Variants in IGSF11 observed in about 807,000 individuals in gnomAD.
IGSF11 encodes the protein immunoglobulin superfamily member 11, also known as CXADR like 1.
IGSF11 carries 22 observed loss-of-function variants against 41.0 expected under a neutral mutation model. The observed-to-expected ratio is 0.54, with a 90% CI of 0.38 to 0.77. IGSF11 has a LOEUF of 0.77. Among genes scored for constraint, IGSF11 ranks in the 30% least tolerant of loss-of-function variants. The probability of loss-of-function intolerance (pLI) is 0.00; values close to 1 mark genes in which losing one functional copy is unlikely to be tolerated. For missense variants in IGSF11, 444 were observed against 530.8 expected, an observed-to-expected ratio of 0.84 and a Z score of 1.61; for synonymous variants, 219 against 201.3, an observed-to-expected ratio of 1.09 and a Z score of -0.74.
intron 1 of IGSF11, among the ~76,000 whole-genome samples, chr3:118,960,784 G>C (rs1209823420): frequency 6.6e-6 from 1 of 152,094 alleles, no homozygotes; most frequent in Non-Finnish European, 1.5e-5. Flanking sequence ...GTTAATTTTT[G>C]TGGTAACATA....
At chr3:119,019,663 T>C in intron 1 of IGSF11, among the ~76,000 whole-genome samples, 1 of 152,082 alleles carries the variant, frequency 6.6e-6, no homozygotes, top group East Asian at 1.9e-4. Context: ...TTTCTTTACC[T>C]GCCTCTGCTG....
At chr3:118,905,818 T>C (rs1184094482) in intron 4 of IGSF11, 100 bp from the exon 5 acceptor site, 1 of 1,336,816 alleles carries the variant, frequency 7.5e-7, no homozygotes, top group African/African-American at 1.5e-5. Flanking sequence ...ACTGGAGAGC[T>C]ATCAATAAAT....
chr3:118,925,165 G>C (rs548055935), intron 4 of IGSF11, among the ~76,000 whole-genome samples: 1 of 152,270 alleles, frequency 6.6e-6, no homozygotes, highest in East Asian at 1.9e-4. Context: ...CATTTGCTGG[G>C]ATTACTAGCG....
rs1261958554 is a variant in IGSF11 at position 119,141,553 on chromosome 3, CAAAT to C, written c.-14+4256_-14+4259del. Among the ~76,000 whole-genome samples the C allele has an allele frequency of 3.3e-5, 5 of 149,484 alleles. No individual in the cohort carries two copies. In the East Asian group the frequency reaches 7.8e-4, roughly 23 times the overall value. Reference sequence around the variant, plus strand: ...AGGTTGACCACATTAAAAAAAGACTCAAATAACTAAAATAAGTAATGAAAAAAGG... The same window carrying C: ...AGGTTGACCACATTAAAAAAAGACTCAACTAAAATAAGTAATGAAAAAAGG... On this transcript the variant is annotated intron_variant, in intron 1 of 7. Transcript: ENST00000425327.
chr3:119,002,412 T>C (rs1936996989), intron 1 of IGSF11, among the ~76,000 whole-genome samples: 1 of 150,380 alleles, frequency 6.6e-6, no homozygotes, highest in Non-Finnish European at 1.5e-5. Context: ...TTTTCTCCCA[T>C]GTTGTAGGTT....
chr3:119,043,322 T>C lies in IGSF11; in HGVS notation c.49+61822A>G, dbSNP rs193154155. ...GATAGATGACTGGCTGTCTTGTTTT[T>C]GCCTAATTGGCATTTTAGTGAGCTC... On this transcript the variant is annotated intron_variant, in intron 1 of 6. Coordinates refer to the IGSF11 transcript ENST00000354673. Among the ~76,000 whole-genome samples the C allele has an allele frequency of 9.8e-3, 1,498 of 152,308 alleles. 13 individuals carry two copies. The highest frequency in any genetic ancestry group is 0.016 in the Non-Finnish European group (1,058 of 68,024).
intron 1 of IGSF11, among the ~76,000 whole-genome samples, chr3:119,068,889 T>C (rs1660054946): frequency 6.6e-6 from 1 of 151,424 alleles, no homozygotes; most frequent in East Asian, 1.9e-4. Context: ...TATAAAGGTA[T>C]GATTTATGAG....
At chr3:119,029,171 A>AATACAC (rs1940120463) in intron 1 of IGSF11, among the ~76,000 whole-genome samples, 1 of 78,802 alleles carries the variant, frequency 1.3e-5, no homozygotes, top group Non-Finnish European at 2.4e-5. Flanking sequence ...TTTTGGGGAT[A>AATACAC]ATACACACAC....
intron 1 of IGSF11, among the ~76,000 whole-genome samples, chr3:118,970,754 A>G (rs933641292): frequency 1.5e-4 from 23 of 151,854 alleles, no homozygotes; most frequent in Non-Finnish European, 2.2e-4. Flanking sequence ...GTTTTACAAA[A>G]AAAAAAAAAA....
At chr3:118,905,860 T>C (rs917073892) in intron 4 of IGSF11, 142 bp from the exon 5 acceptor site, 17 of 872,108 alleles carry the variant, frequency 1.9e-5, no homozygotes, top group Non-Finnish European at 2.6e-5. Flanking sequence ...TGAGAAATTA[T>C]TGGTTCATGA....
chr3:118,977,332 G>C (rs1373924955), intron 1 of IGSF11, among the ~76,000 whole-genome samples: 2 of 152,146 alleles, frequency 1.3e-5, no homozygotes, highest in Non-Finnish European at 2.9e-5. Context: ...TTGTGGCTAA[G>C]GGGCAGGACC....
chr3:118,955,251 C>CACAT (rs1231677755), intron 1 of IGSF11, among the ~76,000 whole-genome samples: 1 of 150,034 alleles, frequency 6.7e-6, no homozygotes, highest in Non-Finnish European at 1.5e-5. Context: ...CACACACACA[C>CACAT]ACATACACAC....
intron 1 of IGSF11, among the ~76,000 whole-genome samples, chr3:118,987,519 A>C (rs1015345719): frequency 6.6e-6 from 1 of 152,194 alleles, no homozygotes; most frequent in African/African-American, 2.4e-5. Context: ...AGCCTGGCCT[A>C]GTCAGTGGAG....
intron 4 of IGSF11, among the ~76,000 whole-genome samples, chr3:118,923,371 T>G (rs1040957701): frequency 6.6e-6 from 1 of 152,200 alleles, no homozygotes; most frequent in Non-Finnish European, 1.5e-5. Context: ...TTTTTACCAC[T>G]AAGTACTTTA....
At chr3:119,005,358 T>G (rs1191466474) in intron 1 of IGSF11, among the ~76,000 whole-genome samples, 1 of 150,594 alleles carries the variant, frequency 6.6e-6, no homozygotes, top group African/African-American at 2.5e-5. Flanking sequence ...TATGTGTGTC[T>G]CTGCACGTGA....
At chr3:119,114,458 G>A (rs190144243) in intron 1 of IGSF11, among the ~76,000 whole-genome samples, 123 of 152,242 alleles carry the variant, frequency 8.1e-4, no homozygotes, top group African/African-American at 2.8e-3. Context: ...TCCTTCTCAA[G>A]GTCAAAGTTC....
intron 1 of IGSF11, among the ~76,000 whole-genome samples, chr3:119,127,700 G>C (rs1488990015): frequency 6.6e-6 from 1 of 152,188 alleles, no homozygotes; most frequent in African/African-American, 2.4e-5. Flanking sequence ...ACTAACAGCA[G>C]ACCTCTCAGC....
intron 1 of IGSF11, among the ~76,000 whole-genome samples, chr3:119,082,150 C>G (rs1165773176): frequency 6.6e-6 from 1 of 152,132 alleles, no homozygotes. Flanking sequence ...TATTCACTTT[C>G]TTTATTCAGA....
At chr3:119,042,156 A>T (rs1352957354) in intron 1 of IGSF11, among the ~76,000 whole-genome samples, 1 of 152,226 alleles carries the variant, frequency 6.6e-6, no homozygotes, top group Non-Finnish European at 1.5e-5. Flanking sequence ...AAAAAATTAG[A>T]TGATCATTTT....
Sources: allele counts gnomAD v4.1 joint callset (sites outside exome capture counted in the v4.1 genomes callset), GRCh38; gene constraint gnomAD v4.1.1; transcripts MANE v1.5; gene names NCBI Gene and HGNC (gene_info 2026-07-23, HGNC 2026-07-21).